TLL1: variants seen among roughly 807,000 people sequenced by gnomAD.
The protein encoded by TLL1 is tolloid-like protein 1.
TLL1 carries 49 observed loss-of-function variants against 128.2 expected under a neutral mutation model. The observed-to-expected ratio is 0.38, with a 90% CI of 0.30 to 0.48. The LOEUF (loss-of-function observed/expected upper bound fraction) is 0.48. Among genes scored for constraint, TLL1 ranks in the 20% least tolerant of loss-of-function variants. The probability of loss-of-function intolerance (pLI) is 0.96; values close to 1 mark genes in which losing one functional copy is unlikely to be tolerated. For synonymous variants in TLL1, 454 were observed against 418.8 expected (o/e 1.08, Z -1.03); for missense variants, 1,123 against 1,242.0 (o/e 0.90, Z 1.44).
At chr4:165,896,523 C>T (rs980507135) in intron 1 of TLL1, among the ~76,000 whole-genome samples, 7 of 147,548 alleles carry the variant, frequency 4.7e-5, no homozygotes, top group South Asian at 2.2e-4. Flanking sequence ...CACTCTGTCA[C>T]CCAGACTGGA....
chr4:165,909,351 T>A (rs1272958442), intron 1 of TLL1, among the ~76,000 whole-genome samples: 3 of 152,154 alleles, frequency 2.0e-5, no homozygotes, highest in Non-Finnish European at 2.9e-5. Context: ...AAACGGTAAG[T>A]TCAAGTAGGC....
At chr4:166,050,118 G>A (rs1287654651) in intron 12 of TLL1, among the ~76,000 whole-genome samples, 1 of 152,126 alleles carries the variant, frequency 6.6e-6, no homozygotes, top group Non-Finnish European at 1.5e-5. Flanking sequence ...GTAGTGTTAA[G>A]TAGATTCAAA....
chr4:166,023,413 A>G (rs1738335903), intron 8 of TLL1, among the ~76,000 whole-genome samples: 1 of 152,160 alleles, frequency 6.6e-6, no homozygotes, highest in African/African-American at 2.4e-5. Flanking sequence ...AGAAAAATAA[A>G]AAGTTTATGT....
chr4:166,079,736 T>TA (rs1344767609), intron 18 of TLL1, among the ~76,000 whole-genome samples: 10 of 152,188 alleles, frequency 6.6e-5, no homozygotes, highest in African/African-American at 1.9e-4. Flanking sequence ...TATTTCTTCA[T>TA]ATAATTCATC....
At chr4:165,909,824 T>C (rs1732444481) in intron 1 of TLL1, among the ~76,000 whole-genome samples, 1 of 152,166 alleles carries the variant, frequency 6.6e-6, no homozygotes, top group Non-Finnish European at 1.5e-5. Flanking sequence ...GTAACAGGGA[T>C]CATTACCCTC....
At chr4:165,924,903 T>A (rs1733200297) in intron 1 of TLL1, among the ~76,000 whole-genome samples, 1 of 152,216 alleles carries the variant, frequency 6.6e-6, no homozygotes, top group Admixed American at 6.5e-5. Context: ...AAATCTACTC[T>A]GCCTGTGTTC....
intron 14 of TLL1, among the ~76,000 whole-genome samples, chr4:166,059,123 A>G (rs1210745464): frequency 1.3e-5 from 2 of 151,840 alleles, no homozygotes; most frequent in Non-Finnish European, 2.9e-5. Context: ...TACTTATCTT[A>G]TCATAATTTA....
chr4:165,924,272 T>G (rs1733173844), intron 1 of TLL1, among the ~76,000 whole-genome samples: 1 of 152,194 alleles, frequency 6.6e-6, no homozygotes. Flanking sequence ...CGAGGCTTCT[T>G]GGGCCACAGA....
rs200870855 is a variant in TLL1 at position 165,992,910 on chromosome 4, C to T, written c.361+26C>T. The T allele has an allele frequency of 3.1e-4, 481 of 1,566,434 alleles. 1 individual carries two copies. Among genetic ancestry groups the T allele is most frequent in the East Asian group, 1.7e-3 (78 of 44,580 alleles). The stretch of plus-strand genomic sequence containing the variant: ...GTATATCAATGTTTAAAGTTGCAGA[C>T]GCTTGACTTGATGTACAGTAAATAT... On this transcript the variant is annotated intron_variant, in intron 3 of 20. Transcript: ENST00000061240.
rs538208616 is a variant in TLL1, at chr4:165,965,127, T to TA, written c.170-24254_170-24253insA. The stretch of plus-strand genomic sequence containing the variant: ...CAAAAACTGCATTTTTAGTCTGTCC[T>TA]TGACTTTGTTTCTATGTTAAATTAG... On this transcript the variant is annotated intron_variant, in intron 1 of 20. Transcript: ENST00000061240. Among the ~76,000 whole-genome samples the TA allele has an allele frequency of 2.2e-3, 338 of 152,298 alleles. 6 individuals are homozygous for TA. The highest frequency in any genetic ancestry group is 0.019 in the Admixed American group (292 of 15,292).
intron 19 of TLL1, among the ~76,000 whole-genome samples, chr4:166,094,091 T>A (rs898920076): frequency 3.9e-5 from 6 of 152,152 alleles, no homozygotes; most frequent in African/African-American, 1.4e-4. Flanking sequence ...CCTACAGTCA[T>A]GTATTGTGAT....
intron 1 of TLL1, among the ~76,000 whole-genome samples, chr4:165,915,318 C>T (rs755164842): frequency 8.5e-5 from 13 of 152,078 alleles, no homozygotes; most frequent in Non-Finnish European, 8.8e-5. Context: ...AAACAAGAAT[C>T]GGCTATTTAA....
rs61229255 is a variant in TLL1, at chr4:166,052,965, GTATA to G, written c.1525-2097_1525-2094del. On this transcript the variant is annotated intron_variant, in intron 12 of 20. Coordinates refer to ENST00000061240, the MANE Select transcript of TLL1 (RefSeq NM_012464.5). ...TAAAGACTGAGATAAGAGGTTATGT[GTATA>G]TATATATATATATTTGGCCAAATTG... 9.0e-5 allele frequency among the ~76,000 whole-genome samples: 9 copies of G among 99,686 alleles called. 1 individual carries two copies. Among genetic ancestry groups the G allele is most frequent in the Non-Finnish European group, 1.9e-4 (9 of 46,718 alleles). The allele number at this position is 99,686 out of a possible 152,430, so 65.4% of individuals were successfully genotyped here. A position where few individuals can be genotyped will look rare whatever the true frequency, so the allele number is the denominator to read the frequency against.
At chr4:165,914,866 G>A (rs1220874817) in intron 1 of TLL1, among the ~76,000 whole-genome samples, 1 of 152,264 alleles carries the variant, frequency 6.6e-6, no homozygotes, top group African/African-American at 2.4e-5. Context: ...GTCTTTATAC[G>A]AAAATGTTTA....
At chr4:165,969,979 C>T (rs941850269) in intron 1 of TLL1, among the ~76,000 whole-genome samples, 4 of 152,046 alleles carry the variant, frequency 2.6e-5, no homozygotes, top group East Asian at 1.9e-4. Flanking sequence ...AGTTCCTACA[C>T]GGATTTTCAT....
At chr4:166,065,377 G>A (rs770749399) in intron 15 of TLL1, among the ~76,000 whole-genome samples, 1 of 151,976 alleles carries the variant, frequency 6.6e-6, no homozygotes, top group Non-Finnish European at 1.5e-5. Context: ...GGACTAAGCC[G>A]AACTCCTTGT....
Position 166,100,875 on chromosome 4 carries a change from A to G in TLL1, c.3041A>G (p.Ter1014=). The G allele has an allele frequency of 6.2e-7, 1 of 1,612,506 alleles. No homozygotes were observed. Among genetic ancestry groups the G allele is most frequent in the Non-Finnish European group, 8.5e-7 (1 of 1,179,134 alleles). The part of the protein sequence containing the change: ...RYPDTTHTKK[*] ...CCAGATACCACACATACCAAAAAAT[A>G]ACACCAAAACCTCTGTCAGAACACA... The change falls in exon 21 of 21, where the codon TAA becomes TGA. Residue 1014 remains the stop codon, a stop_retained_variant. Coordinates refer to ENST00000061240, the MANE Select transcript of TLL1 (RefSeq NM_012464.5).
At chr4:165,968,122 TC>T (rs1007180024) in intron 1 of TLL1, among the ~76,000 whole-genome samples, 19 of 152,298 alleles carry the variant, frequency 1.2e-4, no homozygotes, top group African/African-American at 4.3e-4. Flanking sequence ...GTTGTAAACA[TC>T]AGAGAAAACT....
In TLL1 at chr4:166,100,898, A is replaced by G; in HGVS notation, c.*22A>G. 1 of 1,611,790 alleles carries G rather than the reference A, an allele frequency of 6.2e-7. No individual in the cohort carries two copies. Among genetic ancestry groups the G allele is most frequent in the South Asian group, 1.1e-5 (1 of 91,024 alleles). On this transcript the variant is annotated 3_prime_UTR_variant, in exon 21 of 21. Transcript: ENST00000061240. Reference sequence around the variant, plus strand: ...ATAACACCAAAACCTCTGTCAGAACACAAAGGAATGTGCATAATGGAGAGA... The same window carrying G: ...ATAACACCAAAACCTCTGTCAGAACGCAAAGGAATGTGCATAATGGAGAGA...
Sources: allele counts gnomAD v4.1 joint callset (sites outside exome capture counted in the v4.1 genomes callset), GRCh38; gene constraint gnomAD v4.1.1; transcripts MANE v1.5; gene names NCBI Gene and HGNC (gene_info 2026-07-23, HGNC 2026-07-21).